ACACB: variants seen among roughly 807,000 people sequenced by gnomAD.
The protein encoded by ACACB is acetyl-CoA carboxylase beta.
ACACB carries 209 observed loss-of-function variants against 278.8 expected under a neutral mutation model. The observed-to-expected ratio is 0.75, with a 90% confidence interval of 0.67 to 0.84. ACACB has a LOEUF of 0.84. Among genes scored for constraint, ACACB ranks in the 40% least tolerant of loss-of-function variants. The pLI is 0.00. For missense variants in ACACB, 2,850 were observed against 3,269.0 expected, an observed-to-expected ratio of 0.87 and a Z score of 3.13; for synonymous variants, 1,174 against 1,285.6, an observed-to-expected ratio of 0.91 and a Z score of 1.86.
chr12:109,127,609 A>G (rs75527507), intron 1 of ACACB, among the ~76,000 whole-genome samples: 3 of 151,996 alleles, frequency 2.0e-5, no homozygotes, highest in Non-Finnish European at 4.4e-5. Flanking sequence ...AAAAAAAAAA[A>G]AGAATAAAGT....
At chr12:109,203,058 T>A (rs1269402915) in intron 19 of ACACB, among the ~76,000 whole-genome samples, 1 of 152,250 alleles carries the variant, frequency 6.6e-6, no homozygotes, top group Non-Finnish European at 1.5e-5. Flanking sequence ...TTCTGCTTTC[T>A]GTCTATCAAT....
intron 27 of ACACB, among the ~76,000 whole-genome samples, chr12:109,225,741 G>A (rs538149505): frequency 3.9e-5 from 6 of 152,340 alleles, no homozygotes; most frequent in African/African-American, 1.4e-4. Flanking sequence ...CACCAGCCAC[G>A]TGTGGTTAGT....
intron 1 of ACACB, among the ~76,000 whole-genome samples, chr12:109,138,201 GCTCA>G (rs1176730062): frequency 5.9e-5 from 9 of 152,292 alleles, no homozygotes; most frequent in Admixed American, 5.9e-4. Context: ...ACCGCACTGG[GCTCA>G]TTTTTAAAAC....
At chr12:109,147,168 C>T (rs2043262679) in intron 2 of ACACB, among the ~76,000 whole-genome samples, 1 of 152,140 alleles carries the variant, frequency 6.6e-6, no homozygotes, top group South Asian at 2.1e-4. Context: ...CTTTATCAAT[C>T]ACTCTGATTA....
chr12:109,159,601 C>CTGG (rs1175827139), intron 2 of ACACB, among the ~76,000 whole-genome samples: 1 of 152,196 alleles, frequency 6.6e-6, no homozygotes, highest in Non-Finnish European at 1.5e-5. Context: ...TGGCCGCAGT[C>CTGG]TACCAGAGTT....
At position 109,196,879 on chromosome 12, in the gene ACACB, G is replaced by C. The variant is rs147986536; in HGVS notation, c.2482-129G>C. On this transcript the variant is annotated intron_variant, in intron 16 of 52. Coordinates refer to ENST00000338432, the MANE Select transcript of ACACB (RefSeq NM_001093.4). Reference sequence around the variant, plus strand: ...GGCAGGAATTGTGAGGGCTGGGTCCGAGAGACGGGGGTGTTCATCTTGGCC... The same window carrying C: ...GGCAGGAATTGTGAGGGCTGGGTCCCAGAGACGGGGGTGTTCATCTTGGCC... 2,382 of 1,132,404 alleles carry C rather than the reference G, an allele frequency of 2.1e-3. 13 individuals carry two copies. The highest frequency in any genetic ancestry group is 1.6e-3 in the Non-Finnish European group (1,403 of 854,434). The allele number at this position is 1,132,404 out of a possible 1,614,324, so 70.1% of individuals were successfully genotyped here.
At position 109,205,833 on chromosome 12, in the gene ACACB, A is replaced by C. The variant is rs550535060; in HGVS notation, c.2914-877A>C. On this transcript the variant is annotated intron_variant, in intron 19 of 52. Coordinates refer to ENST00000338432, the MANE Select transcript of ACACB (RefSeq NM_001093.4). The stretch of plus-strand genomic sequence containing the variant: ...GTGGGTGGAGGGGTAGAGGGTGGGC[A>C]GGAAACGGAGTGTTCTCTGCTGGGA... Among the ~76,000 whole-genome samples the C allele has an allele frequency of 3.5e-4, 54 of 152,202 alleles. No individual in the cohort carries two copies. In the East Asian group the frequency reaches 6.6e-3, roughly 19 times the overall value.
intron 21 of ACACB, among the ~76,000 whole-genome samples, chr12:109,210,120 C>T (rs867559924): frequency 1.4e-5 from 1 of 72,658 alleles, no homozygotes; most frequent in Non-Finnish European, 2.7e-5. Context: ...TATATATACA[C>T]GTACATGTAT....
chr12:109,116,870 G>T (rs560472986), intron 1 of ACACB, among the ~76,000 whole-genome samples, 166 bp downstream of exon 1: 1 of 152,118 alleles, frequency 6.6e-6, no homozygotes, highest in Non-Finnish European at 1.5e-5. Context: ...AGAAGAGCTC[G>T]AAATGTAACG....
chr12:109,188,140 G>C lies in ACACB; in HGVS notation c.2122G>C (p.Glu708Gln), dbSNP rs771586214. ...ATTTGGGCACTGCTTCTCCTGGGGA[G>C]AGAACCGGGAAGAGGCCATTTCGTC... ...SQFGHCFSWG[E>Q]NREEAISNMV... The change falls in exon 13 of 53, where the codon GAG (glutamate) becomes CAG (glutamine). Residue 708 changes from glutamate (E) to glutamine (Q), a missense_variant. Glu to Gln is a conservative substitution (Grantham distance 29). Coordinates refer to ENST00000338432, the MANE Select transcript of ACACB (RefSeq NM_001093.4). 1.6e-5 allele frequency: 26 copies of C among 1,606,358 alleles called. 1 individual carries two copies. The East Asian group carries it at 5.8e-4, about 36-fold the overall frequency.
At chr12:109,146,709 C>T (rs184315455) in intron 2 of ACACB, among the ~76,000 whole-genome samples, 1 of 152,298 alleles carries the variant, frequency 6.6e-6, no homozygotes, top group East Asian at 1.9e-4. Flanking sequence ...TGATCTTGCT[C>T]TGATACCCAG....
chr12:109,262,329 C>A (rs754315643), intron 48 of ACACB, 28 bp from the exon 49 acceptor site: 43 of 1,577,978 alleles, frequency 2.7e-5, no homozygotes, highest in Non-Finnish European at 3.6e-5. Flanking sequence ...GCCTCATATA[C>A]CCCCATCCCT....
chr12:109,199,371 G>A, intron 17 of ACACB, 31 bp from the exon 18 acceptor site: 2 of 1,426,140 alleles, frequency 1.4e-6, no homozygotes, highest in African/African-American at 1.5e-5. Flanking sequence ...GTCCTCATCA[G>A]TCTCCCTACC....
At chr12:109,260,329 G>C (rs1437979009) in intron 47 of ACACB, 151 bp from the exon 48 acceptor site, 1 of 1,137,610 alleles carries the variant, frequency 8.8e-7, no homozygotes, top group African/African-American at 1.5e-5. Context: ...CAGCCACTTA[G>C]AGAGTGATCA....
In ACACB at chr12:109,179,772, T is replaced by C; in HGVS notation, c.1648-145T>C. On this transcript the variant is annotated intron_variant, in intron 10 of 52. Transcript: ENST00000338432. ...TCCTTAAGCGCTAGGGTGATAGGCATGAGCCACCACACCTGGCCAGTCCCA... is the reference window on the plus strand; with the variant it reads ...TCCTTAAGCGCTAGGGTGATAGGCACGAGCCACCACACCTGGCCAGTCCCA... 4 of 928,364 alleles carry C rather than the reference T, an allele frequency of 4.3e-6. No individual in the cohort carries two copies. In the South Asian group the frequency reaches 7.1e-5, roughly 17 times the overall value. The allele number at this position is 928,364 out of a possible 1,614,324, so 57.5% of individuals were successfully genotyped here.
At chr12:109,246,051 CT>C in intron 38 of ACACB, 127 bp from the exon 39 acceptor site, 1 of 1,145,846 alleles carries the variant, frequency 8.7e-7, no homozygotes, top group Non-Finnish European at 1.2e-6. Context: ...GATTGCACCA[CT>C]GCACTCTGGC....
intron 28 of ACACB, among the ~76,000 whole-genome samples, chr12:109,231,011 T>G (rs957080283): frequency 4.6e-5 from 7 of 152,200 alleles, no homozygotes; most frequent in African/African-American, 1.7e-4. Context: ...ACCAGCCCTT[T>G]AATGCCTCTG....
chr12:109,258,271 TGGG>T lies in ACACB; in HGVS notation c.6271_6273del (p.Gly2091del), dbSNP rs751366693. ...CTCACTGGTGCTCATTTTCCAGGCT[TGGG>T]GGGATTCCCGTGGGAGTGATTGCTG... On this transcript the variant is annotated inframe_deletion, in exon 46 of 53. Transcript: ENST00000338432. 61 of 1,611,824 alleles carry T rather than the reference TGGG, an allele frequency of 3.8e-5. No homozygotes were observed. The highest frequency in any genetic ancestry group is 4.9e-5 in the Non-Finnish European group (58 of 1,179,528).
chr12:109,250,047 A>G lies in ACACB; in HGVS notation c.5733A>G (p.Ser1911=). ...DGLGVENLRG[S]GMIAGESSLA... The stretch of plus-strand genomic sequence containing the variant: ...TGGGCGTGGAGAATCTGAGGGGCTC[A>G]GGCATGATTGCTGGGGAGTCCTCTC... Residue 1911 remains serine, a synonymous_variant, in exon 41 of 53, where the codon TCA becomes TCG. Coordinates refer to ENST00000338432, the MANE Select transcript of ACACB (RefSeq NM_001093.4). The G allele has an allele frequency of 1.2e-6, 2 of 1,613,706 alleles. No individual in the cohort carries two copies. Among genetic ancestry groups the G allele is most frequent in the Non-Finnish European group, 1.7e-6 (2 of 1,179,822 alleles).
Sources: allele counts gnomAD v4.1 joint callset (sites outside exome capture counted in the v4.1 genomes callset), GRCh38; gene constraint gnomAD v4.1.1; transcripts MANE v1.5; gene names NCBI Gene and HGNC (gene_info 2026-07-23, HGNC 2026-07-21).